The following RNF170 variants were observed in gnomAD, a reference collection of about 807,000 sequenced individuals.
RNF170 encodes the protein ring finger protein 170.
RNF170 carries 12 observed loss-of-function variants against 32.7 expected under a neutral mutation model. The ratio of observed to expected loss-of-function variants is 0.37; its 90% CI spans 0.24 to 0.60. The LOEUF (loss-of-function observed/expected upper bound fraction) is 0.60. Ranked by LOEUF, RNF170 falls within the 20% of genes least tolerant of loss-of-function variation. The probability of loss-of-function intolerance (pLI) is 0.72; values close to 1 mark genes in which losing one functional copy is unlikely to be tolerated. For missense variants in RNF170, 212 were observed against 311.2 expected (o/e 0.68, Z 2.40); for synonymous variants, 91 against 103.6 (o/e 0.88, Z 0.74).
intron 4 of RNF170, among the ~76,000 whole-genome samples, chr8:42,867,823 T>C (rs1804230816): frequency 7.7e-6 from 1 of 130,684 alleles, no homozygotes; most frequent in South Asian, 2.5e-4. Flanking sequence ...AAAAAAGGAG[T>C]GCAGAGAAGT....
At chr8:42,896,353 G>A (rs1047920249) in intron 1 of RNF170, 131 bp downstream of exon 1, 14 of 416,822 alleles carry the variant, frequency 3.4e-5, no homozygotes, top group Non-Finnish European at 6.6e-5. Flanking sequence ...GGCCCGGGGG[G>A]AAGGAGGCGG....
chr8:42,875,106 G>A (rs1804820335), intron 2 of RNF170, among the ~76,000 whole-genome samples: 2 of 151,896 alleles, frequency 1.3e-5, no homozygotes, highest in South Asian at 4.1e-4. Flanking sequence ...CGGAGGTGGA[G>A]GTTGCGGTGA....
At chr8:42,866,490 A>C (rs753277470) in intron 4 of RNF170, among the ~76,000 whole-genome samples, 1 of 151,812 alleles carries the variant, frequency 6.6e-6, no homozygotes, top group African/African-American at 2.4e-5. Context: ...GGCTGAGGCA[A>C]GGAGAATCGC....
chr8:42,876,980 G>A (rs1305509377), intron 2 of RNF170, among the ~76,000 whole-genome samples: 28 of 129,028 alleles, frequency 2.2e-4, no homozygotes, highest in African/African-American at 8.0e-4. Flanking sequence ...TTGAGACAGA[G>A]TCTTGTTCTG....
intron 2 of RNF170, among the ~76,000 whole-genome samples, chr8:42,880,023 G>A (rs1171631656): frequency 2.0e-5 from 3 of 152,114 alleles, no homozygotes; most frequent in Admixed American, 6.6e-5. Context: ...AACATTAACC[G>A]GAGTTTGGAA....
downstream of RNF170, among the ~76,000 whole-genome samples, chr8:42,852,956 CTT>C (rs76276558): frequency 5.8e-4 from 80 of 138,824 alleles, no homozygotes; most frequent in South Asian, 2.6e-3. Flanking sequence ...TATCTACAAA[CTT>C]TTTTTTTTTT....
chr8:42,890,422 C>T (rs556772560), intron 1 of RNF170, among the ~76,000 whole-genome samples: 3 of 151,870 alleles, frequency 2.0e-5, no homozygotes, highest in East Asian at 1.9e-4. Context: ...GGACTACAGG[C>T]GCCCCCCACC....
intron 3 of RNF170, among the ~76,000 whole-genome samples, chr8:42,872,494 G>T (rs1411644660): frequency 6.6e-6 from 1 of 152,164 alleles, no homozygotes; most frequent in East Asian, 1.9e-4. Context: ...CCAGGCTGGA[G>T]TGCAGTGGCG....
chr8:42,889,089 C>T (rs1563275453), intron 1 of RNF170, among the ~76,000 whole-genome samples: 2 of 152,176 alleles, frequency 1.3e-5, no homozygotes, highest in Non-Finnish European at 2.9e-5. Flanking sequence ...GGCTATAGAA[C>T]ATTTATAGCT....
intron 2 of RNF170, among the ~76,000 whole-genome samples, chr8:42,876,657 GTT>G (rs541650996): frequency 1.2e-4 from 15 of 122,996 alleles, no homozygotes; most frequent in Admixed American, 1.8e-4. Flanking sequence ...TTTTTTGTGG[GTT>G]TTTTTTTTTT....
At chr8:42,882,483 A>C (rs1450169250) in intron 2 of RNF170, among the ~76,000 whole-genome samples, 2 of 152,194 alleles carry the variant, frequency 1.3e-5, no homozygotes, top group African/African-American at 4.8e-5. Flanking sequence ...CAGCCTCCCA[A>C]AGTGCTAGGA....
intron 2 of RNF170, among the ~76,000 whole-genome samples, chr8:42,884,604 T>C (rs909071968): frequency 2.2e-4 from 33 of 152,264 alleles, no homozygotes; most frequent in East Asian, 3.9e-4. Flanking sequence ...AGTCCCAAAC[T>C]GAACATAATG....
At chr8:42,892,291 T>G (rs1273704100) in intron 1 of RNF170, among the ~76,000 whole-genome samples, 1 of 152,132 alleles carries the variant, frequency 6.6e-6, no homozygotes, top group Non-Finnish European at 1.5e-5. Context: ...TCAATCAGTC[T>G]TCCTGCTGTG....
rs1460034957 is a variant in RNF170, at chr8:42,855,161, G to A, written c.*998C>T. The A allele has an allele frequency of 7.8e-7, 1 of 1,286,658 alleles. No homozygotes were observed. The highest frequency in any genetic ancestry group is 3.3e-4 in the Middle Eastern group (1 of 3,058). 79.7% of individuals were successfully genotyped at this position (1,286,658 alleles called of 1,614,324 possible). ...ATTACTTTTATATCTACTACGAAAG[G>A]ATGAGCTCTTGTTTAAATGTCTAAC... On this transcript the variant is annotated 3_prime_UTR_variant, in exon 7 of 7. Coordinates refer to ENST00000527424, the MANE Select transcript of RNF170 (RefSeq NM_030954.4).
intron 2 of RNF170, among the ~76,000 whole-genome samples, chr8:42,876,247 A>G (rs1369788675): frequency 3.3e-5 from 5 of 150,494 alleles, no homozygotes; most frequent in Non-Finnish European, 5.9e-5. Flanking sequence ...ATTTAAATAG[A>G]ATATATTTTA....
At chr8:42,851,993 A>C (rs1301966092), downstream of RNF170, among the ~76,000 whole-genome samples, 3 of 152,336 alleles carry the variant, frequency 2.0e-5, no homozygotes, top group Non-Finnish European at 1.5e-5. Flanking sequence ...ACGGCCTTTA[A>C]TAAAAAGAAG....
downstream of RNF170, among the ~76,000 whole-genome samples, chr8:42,851,480 G>A (rs910444032): frequency 2.0e-5 from 3 of 151,318 alleles, no homozygotes; most frequent in East Asian, 1.9e-4. Flanking sequence ...CAGGAGAATC[G>A]CTTGAGCCCA....
chr8:42,872,535 C>T (rs1232730443), intron 3 of RNF170, among the ~76,000 whole-genome samples: 2 of 152,074 alleles, frequency 1.3e-5, no homozygotes, highest in Admixed American at 6.6e-5. Context: ...CTCCGCCTCC[C>T]GGGTTCAAGT....
At chr8:42,891,549 T>C (rs989776648) in intron 1 of RNF170, among the ~76,000 whole-genome samples, 6 of 152,222 alleles carry the variant, frequency 3.9e-5, no homozygotes, top group East Asian at 3.9e-4. Context: ...ATTATAACTG[T>C]ACATTAAGCC....
Sources: allele counts gnomAD v4.1 joint callset (sites outside exome capture counted in the v4.1 genomes callset), GRCh38; gene constraint gnomAD v4.1.1; transcripts MANE v1.5; gene names NCBI Gene and HGNC (gene_info 2026-07-23, HGNC 2026-07-21).